FBXL13: variants seen among roughly 807,000 people sequenced by gnomAD.
FBXL13 encodes F-box and leucine-rich repeat protein 13.
In FBXL13, 67 loss-of-function variants were observed where a neutral mutation model predicts 83.6. The ratio of observed to expected loss-of-function variants is 0.80; its 90% CI spans 0.66 to 0.98. The LOEUF (loss-of-function observed/expected upper bound fraction) is 0.98. Among genes scored for constraint, FBXL13 ranks in the 50% least tolerant of loss-of-function variants. The pLI is 0.00. For missense variants in FBXL13, 822 were observed against 866.5 expected, an observed-to-expected ratio of 0.95 and a Z score of 0.64; for synonymous variants, 272 against 299.5, an observed-to-expected ratio of 0.91 and a Z score of 0.95.
chr7:102,888,577 CA>C (rs2129459881), intron 11 of FBXL13, among the ~76,000 whole-genome samples: 1 of 152,178 alleles, frequency 6.6e-6, no homozygotes, highest in South Asian at 2.1e-4. Flanking sequence ...AAGGTAAGCA[CA>C]AGTGGAGGCA....
At chr7:103,034,345 G>A (rs1170469940) in intron 2 of FBXL13, among the ~76,000 whole-genome samples, 1 of 152,208 alleles carries the variant, frequency 6.6e-6, no homozygotes, top group Non-Finnish European at 1.5e-5. Context: ...GGACGGTGTG[G>A]GGGAGGCTCA....
At chr7:102,831,431 A>ACACACACACCCC (rs1033135095) in intron 18 of FBXL13, among the ~76,000 whole-genome samples, 1 of 147,236 alleles carries the variant, frequency 6.8e-6, no homozygotes, top group African/African-American at 2.5e-5. Context: ...ACACACACAC[A>ACACACACACCCC]CCCCACTACA....
At chr7:102,875,039 T>G (rs770987162) in intron 16 of FBXL13, among the ~76,000 whole-genome samples, 9 of 152,164 alleles carry the variant, frequency 5.9e-5, no homozygotes, top group Non-Finnish European at 1.2e-4. Flanking sequence ...GTAAGTGCTG[T>G]GGGGGAATTA....
intron 8 of FBXL13, among the ~76,000 whole-genome samples, chr7:102,946,644 TTTTTA>T (rs1333639806): frequency 2.1e-5 from 3 of 142,888 alleles, no homozygotes; most frequent in East Asian, 4.1e-4. Flanking sequence ...TGAGTTTCTA[TTTTTA>T]TTTTATTTAT....
intron 6 of FBXL13, among the ~76,000 whole-genome samples, chr7:103,022,336 G>A (rs1160577822): frequency 6.6e-6 from 1 of 150,426 alleles, no homozygotes; most frequent in Non-Finnish European, 1.5e-5. Flanking sequence ...GTAGTGGGGT[G>A]GGGGGAGGGG....
intron 2 of FBXL13, among the ~76,000 whole-genome samples, chr7:103,036,095 A>G (rs1329623865): frequency 6.6e-6 from 1 of 152,168 alleles, no homozygotes; most frequent in African/African-American, 2.4e-5. Context: ...CTGTGCATGC[A>G]AAGGATCTAG....
At chr7:103,045,360 G>A (rs1796166915) in intron 2 of FBXL13, among the ~76,000 whole-genome samples, 1 of 152,122 alleles carries the variant, frequency 6.6e-6, no homozygotes, top group African/African-American at 2.4e-5. Flanking sequence ...TAGAAACAGG[G>A]AATCCTTCTC....
chr7:102,832,740 CAA>C, intron 18 of FBXL13, 98 bp downstream of exon 19: 2 of 1,345,196 alleles, frequency 1.5e-6, no homozygotes, highest in Non-Finnish European at 9.8e-7. Flanking sequence ...TCAACCATGG[CAA>C]AGAGAACATA....
intron 5 of FBXL13, 106 bp from the exon 7 acceptor site, chr7:103,025,336 T>C: frequency 1.6e-6 from 1 of 619,094 alleles, no homozygotes; most frequent in Non-Finnish European, 2.7e-6. Flanking sequence ...CAATTAAACA[T>C]TATTTATGAT....
chr7:103,004,623 G>C (rs1790781028), intron 6 of FBXL13, among the ~76,000 whole-genome samples: 2 of 152,170 alleles, frequency 1.3e-5, no homozygotes, highest in African/African-American at 4.8e-5. Flanking sequence ...AAGACAGTGG[G>C]GAGGCTGGCT....
intron 6 of FBXL13, among the ~76,000 whole-genome samples, chr7:102,969,924 C>T (rs145379530): frequency 1.3e-5 from 2 of 151,814 alleles, no homozygotes; most frequent in Non-Finnish European, 2.9e-5. Context: ...ACCATACTGG[C>T]AAAAGAAAAA....
At chr7:103,069,423 G>T (rs557857681) in intron 1 of FBXL13, among the ~76,000 whole-genome samples, 1 of 152,154 alleles carries the variant, frequency 6.6e-6, no homozygotes, top group Non-Finnish European at 1.5e-5. Context: ...TTAAATTGGG[G>T]AATATATATA....
intron 16 of FBXL13, among the ~76,000 whole-genome samples, chr7:102,861,150 T>C (rs927520549): frequency 2.0e-5 from 3 of 152,086 alleles, no homozygotes; most frequent in Admixed American, 2.0e-4. Flanking sequence ...TATGCATATA[T>C]AGTATAGACA....
At chr7:102,946,924 C>T (rs1181902614) in intron 8 of FBXL13, among the ~76,000 whole-genome samples, 1 of 152,024 alleles carries the variant, frequency 6.6e-6, no homozygotes, top group Non-Finnish European at 1.5e-5. Context: ...GATCTGCTCG[C>T]CTCAGCCTCC....
At chr7:102,977,232 C>T (rs1189076725) in intron 6 of FBXL13, among the ~76,000 whole-genome samples, 1 of 152,160 alleles carries the variant, frequency 6.6e-6, no homozygotes, top group African/African-American at 2.4e-5. Flanking sequence ...ATTAAGGCTA[C>T]AGGCTGTTCT....
intron 1 of FBXL13, among the ~76,000 whole-genome samples, chr7:103,057,310 C>T (rs1300058724): frequency 6.6e-6 from 1 of 152,074 alleles, no homozygotes; most frequent in African/African-American, 2.4e-5. Flanking sequence ...TGAGGGTTTG[C>T]ATTACTTGAG....
chr7:102,884,153 C>A (rs986251028), intron 12 of FBXL13, 61 bp downstream of exon 13: 9 of 1,154,236 alleles, frequency 7.8e-6, no homozygotes, highest in Non-Finnish European at 1.2e-5. Context: ...GTAATTCAAG[C>A]CATTAGAACA....
Position 102,833,113 on chromosome 7 carries a change from A to AAATG in FBXL13, c.1720-140_1720-139insCATT, listed in dbSNP as rs1801010905. ...TTGATGCCCCCAAAAAATAATTTAA[A>AAATG]AAACCCATGTTACATCCAACATCTG... On this transcript the variant is annotated intron_variant, in intron 17 of 19. Transcript: ENST00000313221. The AAATG allele has an allele frequency of 6.9e-6, 6 of 868,882 alleles. No individual in the cohort carries two copies. In the Admixed American group the frequency reaches 8.6e-5, roughly 12 times the overall value. The allele number at this position is 868,882 out of a possible 1,614,324, so 53.8% of individuals were successfully genotyped here.
At chr7:102,830,680 C>T (rs1800505218) in intron 18 of FBXL13, among the ~76,000 whole-genome samples, 1 of 152,184 alleles carries the variant, frequency 6.6e-6, no homozygotes, top group African/African-American at 2.4e-5. Context: ...ACAAACCAAA[C>T]AACATAGAAG....
Sources: allele counts gnomAD v4.1 joint callset (sites outside exome capture counted in the v4.1 genomes callset), GRCh38; gene constraint gnomAD v4.1.1; transcripts MANE v1.5; gene names NCBI Gene and HGNC (gene_info 2026-07-23, HGNC 2026-07-21).